The following GGACT variants were observed in gnomAD, a reference collection of about 807,000 sequenced individuals.
GGACT encodes gamma-glutamylaminecyclotransferase.
For missense variants in GGACT, 241 were observed against 233.2 expected, an observed-to-expected ratio of 1.03 and a Z score of -0.22; for synonymous variants, 118 against 115.3, an observed-to-expected ratio of 1.02 and a Z score of -0.15.
chr13:100,532,615 G>C lies in GGACT; in HGVS notation c.-10-14C>G. ...ATCCGGGCAGAGCTGCAGGGAGAGGGGAAGTCACAGGTCAGCCCGCAGTGG... is the reference window on the plus strand; with the variant it reads ...ATCCGGGCAGAGCTGCAGGGAGAGGCGAAGTCACAGGTCAGCCCGCAGTGG... On this transcript the variant is annotated splice_polypyrimidine_tract_variant and intron_variant, in intron 2 of 2. Transcript: ENST00000683975. The C allele has an allele frequency of 6.6e-7, 1 of 1,513,562 alleles. No individual in the cohort carries two copies. The highest frequency in any genetic ancestry group is 1.2e-5 in the South Asian group (1 of 80,236). The allele number at this position is 1,513,562 out of a possible 1,614,324, so 93.8% of individuals were successfully genotyped here. A position where few individuals can be genotyped will look rare whatever the true frequency, so the allele number is the denominator to read the frequency against.
At position 100,534,623 on chromosome 13, in the gene GGACT, C is replaced by T. The variant is rs2088464596; in HGVS notation, c.-10-2022G>A. 6.6e-6 allele frequency among the ~76,000 whole-genome samples: 1 copy of T among 152,142 alleles called. No individual in the cohort carries two copies. The highest frequency in any genetic ancestry group is 1.5e-5 in the Non-Finnish European group (1 of 68,006). On this transcript the variant is annotated intron_variant, in intron 2 of 2. Transcript: ENST00000683975. This position sits in a 1 kb window ranked among gnomAD's most constrained non-coding sequence, Gnocchi z 4.9. ...GGGGGCGATGATGGTTTGGATCCTGCTGTGCAGCTGCCTTGGGGACTCAGC... is the reference window on the plus strand; with the variant it reads ...GGGGGCGATGATGGTTTGGATCCTGTTGTGCAGCTGCCTTGGGGACTCAGC...
Position 100,545,486 on chromosome 13 carries a change from G to T in GGACT, c.-10-12885C>A, listed in dbSNP as rs992937327. ...CACTCCAGGGCCCCAGGCAGCCAGT[G>T]GCCTGGGCTGCCCTCATACCAGGCT... On this transcript the variant is annotated intron_variant, in intron 2 of 2. Transcript: ENST00000683975. This position sits in a 1 kb window ranked among gnomAD's most constrained non-coding sequence, Gnocchi z 4.4. Among the ~76,000 whole-genome samples, 2 of 152,170 alleles carry T rather than the reference G, an allele frequency of 1.3e-5. No homozygotes were observed. The highest frequency in any genetic ancestry group is 4.8e-5 in the African/African-American group (2 of 41,446).
intron 2 of GGACT, among the ~76,000 whole-genome samples, chr13:100,555,742 A>C (rs1169997453): frequency 6.6e-6 from 1 of 152,190 alleles, no homozygotes; most frequent in Non-Finnish European, 1.5e-5. Flanking sequence ...AGAGTCTTGA[A>C]CAAATACTAA....
intron 2 of GGACT, among the ~76,000 whole-genome samples, chr13:100,572,087 G>C (rs1225364351): frequency 1.3e-5 from 2 of 152,170 alleles, no homozygotes; most frequent in Non-Finnish European, 2.9e-5. Flanking sequence ...TACTAAAAAT[G>C]ACATAGCTCA....
At chr13:100,540,569 C>T (rs148566029) in intron 2 of GGACT, among the ~76,000 whole-genome samples, 1 of 152,310 alleles carries the variant, frequency 6.6e-6, no homozygotes, top group African/African-American at 2.4e-5. Flanking sequence ...TCTCAAACAG[C>T]CAACTCTTGG....
At chr13:100,550,350 A>C (rs1341684228) in intron 2 of GGACT, among the ~76,000 whole-genome samples, 2 of 37,148 alleles carry the variant, frequency 5.4e-5, no homozygotes, top group African/African-American at 9.1e-5. Context: ...ACACACACAC[A>C]CACACCACTG....
At chr13:100,535,679 T>C (rs141739811) in intron 2 of GGACT, 50 of 152,352 alleles carry the variant, frequency 3.3e-4, no homozygotes, top group African/African-American at 1.2e-3. Flanking sequence ...CCAGATCTAT[T>C]TCGGCATTAG....
At position 100,534,639 on chromosome 13, in the gene GGACT, G is replaced by A. The variant is rs1313247751; in HGVS notation, c.-10-2038C>T. 1.3e-5 allele frequency among the ~76,000 whole-genome samples: 2 copies of A among 152,028 alleles called. No individual in the cohort carries two copies. Among genetic ancestry groups the A allele is most frequent in the Non-Finnish European group, 2.9e-5 (2 of 67,970 alleles). On this transcript the variant is annotated intron_variant, in intron 2 of 2. Coordinates refer to ENST00000683975, the MANE Select transcript of GGACT (RefSeq NM_001195087.2). The surrounding 1 kb of genome is among the most constrained non-coding windows in gnomAD (Gnocchi z 4.9). ...TGGATCCTGCTGTGCAGCTGCCTTG[G>A]GGACTCAGCATTTGGAAGGATTCAT...
At chr13:100,560,828 G>A (rs905424568) in intron 2 of GGACT, among the ~76,000 whole-genome samples, 5 of 152,192 alleles carry the variant, frequency 3.3e-5, no homozygotes, top group Admixed American at 1.3e-4. Context: ...AAAGTACAAC[G>A]GAGTGATTTT....
chr13:100,570,109 T>C (rs2153016131), intron 2 of GGACT, among the ~76,000 whole-genome samples: 1 of 152,322 alleles, frequency 6.6e-6, no homozygotes, highest in South Asian at 2.1e-4. Flanking sequence ...CATTTTACTG[T>C]CTTCTTCTGA....
At chr13:100,543,010 C>G (rs2088568716) in intron 2 of GGACT, among the ~76,000 whole-genome samples, 2 of 151,972 alleles carry the variant, frequency 1.3e-5, no homozygotes, top group African/African-American at 4.8e-5. Flanking sequence ...TCTTAGCCAC[C>G]TGGTGGCAAG....
chr13:100,548,891 A>G (rs2088632557), intron 2 of GGACT, among the ~76,000 whole-genome samples: 1 of 152,278 alleles, frequency 6.6e-6, no homozygotes, highest in African/African-American at 2.4e-5. Flanking sequence ...GGAGGCCACC[A>G]CCCAACATTG....
In GGACT at chr13:100,534,565, G is replaced by A. The variant is rs567712245; in HGVS notation, c.-10-1964C>T. Among the ~76,000 whole-genome samples, 3 of 152,112 alleles carry A rather than the reference G, an allele frequency of 2.0e-5. No individual in the cohort carries two copies. The highest frequency in any genetic ancestry group is 3.9e-4 in the East Asian group (2 of 5,166). The stretch of plus-strand genomic sequence containing the variant: ...GATGGAAGCAGCTGTCTACAACAGC[G>A]GGCAAGGAGCTATCCCAAAAGACGA... On this transcript the variant is annotated intron_variant, in intron 2 of 2. Coordinates refer to ENST00000683975, the MANE Select transcript of GGACT (RefSeq NM_001195087.2). The surrounding 1 kb of genome is among the most constrained non-coding windows in gnomAD (Gnocchi z 4.9).
chr13:100,562,809 GA>G (rs1233078963), intron 2 of GGACT, among the ~76,000 whole-genome samples: 2 of 140,314 alleles, frequency 1.4e-5, no homozygotes, highest in East Asian at 4.0e-4. Flanking sequence ...AAAAAAAAAA[GA>G]AAAAAAAGAA....
At chr13:100,584,598 AACTAT>A (rs1875511201) in intron 1 of GGACT, among the ~76,000 whole-genome samples, 1 of 152,162 alleles carries the variant, frequency 6.6e-6, no homozygotes. Flanking sequence ...GTAATAATGT[AACTAT>A]ACATTTAAAA....
chr13:100,579,981 C>G (rs1161412974), intron 2 of GGACT: 1 of 152,234 alleles, frequency 6.6e-6, no homozygotes, highest in Non-Finnish European at 1.5e-5. Flanking sequence ...GAACTTAGGT[C>G]TCCTGTCAGC....
intron 2 of GGACT, among the ~76,000 whole-genome samples, chr13:100,543,031 G>A (rs1450641717): frequency 6.6e-6 from 1 of 152,032 alleles, no homozygotes; most frequent in African/African-American, 2.4e-5. Context: ...AGTGTAAAAG[G>A]CAGGATTTAA....
chr13:100,547,823 G>A (rs533696348), intron 2 of GGACT, among the ~76,000 whole-genome samples: 49 of 152,364 alleles, frequency 3.2e-4, no homozygotes, highest in African/African-American at 1.1e-3. Flanking sequence ...CTGGGGTGGA[G>A]ACCAGGGCCT....
chr13:100,541,572 T>C (rs2088555356), intron 2 of GGACT: 1 of 152,202 alleles, frequency 6.6e-6, no homozygotes, highest in African/African-American at 2.4e-5. Flanking sequence ...CTACTAGCTA[T>C]AGTCTTCTCA....
Sources: allele counts gnomAD v4.1 joint callset (sites outside exome capture counted in the v4.1 genomes callset), GRCh38; gene constraint gnomAD v4.1.1; non-coding constraint Gnocchi (gnomAD v3.1); transcripts MANE v1.5; gene names NCBI Gene and HGNC (gene_info 2026-07-23, HGNC 2026-07-21).